The following BNC2 variants were observed in gnomAD, a reference collection of about 807,000 sequenced individuals.
BNC2 encodes basonuclin zinc finger protein 2.
BNC2 carries 20 observed loss-of-function variants against 76.3 expected under a neutral mutation model. That is an observed-to-expected ratio of 0.26 (90% confidence interval 0.18 to 0.38). The LOEUF (loss-of-function observed/expected upper bound fraction) is 0.38. BNC2 is among the 10% of genes least tolerant of loss of function. The pLI is 1.00. For missense variants in BNC2, 1,382 were observed against 1,399.8 expected (o/e 0.99, Z 0.20); for synonymous variants, 582 against 514.8 (o/e 1.13, Z -1.77).
At chr9:16,751,334 C>G (rs1420593075) in intron 1 of BNC2, among the ~76,000 whole-genome samples, 1 of 150,984 alleles carries the variant, frequency 6.6e-6, no homozygotes, top group South Asian at 2.1e-4. Flanking sequence ...AACTAAGGAG[C>G]TCATGCGTTC....
intron 1 of BNC2, among the ~76,000 whole-genome samples, chr9:16,860,460 T>C (rs957490479): frequency 6.6e-6 from 1 of 152,200 alleles, no homozygotes; most frequent in African/African-American, 2.4e-5. Flanking sequence ...CAACAAATAG[T>C]GCTGGGAACA....
At chr9:16,580,237 A>T (rs1436747240) in intron 4 of BNC2, 1 of 398,196 alleles carries the variant, frequency 2.5e-6, no homozygotes. Context: ...CTCCAAGGCT[A>T]GAGGCCAACC....
At chr9:16,776,382 T>G (rs1324914449) in intron 1 of BNC2, among the ~76,000 whole-genome samples, 1 of 152,098 alleles carries the variant, frequency 6.6e-6, no homozygotes, top group African/African-American at 2.4e-5. Context: ...TCAGGCAAGC[T>G]GCCCACCTCA....
chr9:16,749,453 T>C (rs937237644), intron 1 of BNC2, among the ~76,000 whole-genome samples: 12 of 152,148 alleles, frequency 7.9e-5, no homozygotes, highest in Non-Finnish European at 1.2e-4. Flanking sequence ...CCCAGCACCC[T>C]GGGAGACCAG....
At chr9:16,463,441 C>T (rs916727423) in intron 5 of BNC2, among the ~76,000 whole-genome samples, 4 of 146,028 alleles carry the variant, frequency 2.7e-5, no homozygotes, top group Admixed American at 1.3e-4. Flanking sequence ...GGACTACAGG[C>T]GCCCGCCACT....
In BNC2 at chr9:16,437,114, C is replaced by T. The variant is rs190971797; in HGVS notation, c.1080G>A (p.Gln360=). The part of the protein sequence containing the change: ...LRLREPSLST[Q]NEYNESSESE... Reference sequence around the variant, plus strand: ...ATTCGCTGCTCTCATTATATTCATTCTGAGTTGAAAGGCTGGGTTCCCGCA... The same window carrying T: ...ATTCGCTGCTCTCATTATATTCATTTTGAGTTGAAAGGCTGGGTTCCCGCA... The change falls in exon 6 of 7, where the codon CAG becomes CAA. Residue 360 remains glutamine (Q), a synonymous_variant. Coordinates refer to ENST00000380672, the MANE Select transcript of BNC2 (RefSeq NM_017637.6). The T allele has an allele frequency of 6.2e-7, 1 of 1,614,154 alleles. No individual in the cohort carries two copies. Among genetic ancestry groups the T allele is most frequent in the African/African-American group, 1.3e-5 (1 of 75,040 alleles).
intron 5 of BNC2, among the ~76,000 whole-genome samples, chr9:16,536,459 C>G (rs937423949): frequency 6.6e-6 from 1 of 152,124 alleles, no homozygotes; most frequent in Admixed American, 6.5e-5. Context: ...TTTATTCTAT[C>G]TAAATGTATT....
Position 16,712,615 on chromosome 9 carries a change from G to A in BNC2, c.330+15182C>T, listed in dbSNP as rs1219771618. Among the ~76,000 whole-genome samples the A allele has an allele frequency of 6.6e-5, 10 of 152,182 alleles. No individual in the cohort carries two copies. In the East Asian group the frequency reaches 7.7e-4, roughly 12 times the overall value. Reference sequence around the variant, plus strand: ...TTTCGTGGAAGCAAAACAACACAACGGACACACACACTGCACAGATTATCT... The same window carrying A: ...TTTCGTGGAAGCAAAACAACACAACAGACACACACACTGCACAGATTATCT... On this transcript the variant is annotated intron_variant, in intron 3 of 6. Transcript: ENST00000380672.
chr9:16,635,681 C>A (rs560073488), intron 3 of BNC2, among the ~76,000 whole-genome samples: 125 of 152,262 alleles, frequency 8.2e-4, no homozygotes, highest in African/African-American at 2.9e-3. Context: ...ATACAGATTT[C>A]TTGGCCAACT....
intron 1 of BNC2, among the ~76,000 whole-genome samples, chr9:16,788,799 C>G (rs570245915): frequency 6.6e-6 from 1 of 152,128 alleles, no homozygotes; most frequent in African/African-American, 2.4e-5. Flanking sequence ...GGTTGACTTG[C>G]AGGACAATCC....
intron 3 of BNC2, among the ~76,000 whole-genome samples, chr9:16,662,763 C>A (rs1822146995): frequency 6.6e-6 from 1 of 151,986 alleles, no homozygotes; most frequent in Non-Finnish European, 1.5e-5. Context: ...GAGAAAATAT[C>A]CTACCTAAAA....
intron 5 of BNC2, among the ~76,000 whole-genome samples, chr9:16,493,419 G>T (rs1483329107): frequency 6.6e-6 from 1 of 152,202 alleles, no homozygotes; most frequent in African/African-American, 2.4e-5. Flanking sequence ...GTATGTGTAA[G>T]AGGGAACAAA....
At chr9:16,777,563 T>C (rs867580601) in intron 1 of BNC2, among the ~76,000 whole-genome samples, 1 of 151,824 alleles carries the variant, frequency 6.6e-6, no homozygotes, top group African/African-American at 2.4e-5. Flanking sequence ...TAACCAGGCA[T>C]GGTGGCGGGT....
intron 3 of BNC2, among the ~76,000 whole-genome samples, chr9:16,718,885 G>A (rs987886107): frequency 6.6e-5 from 10 of 152,100 alleles, no homozygotes; most frequent in Non-Finnish European, 1.5e-4. Flanking sequence ...TACACTTTCT[G>A]CATGTCTACG....
chr9:16,696,707 A>G (rs188237699), intron 3 of BNC2, among the ~76,000 whole-genome samples: 1 of 152,240 alleles, frequency 6.6e-6, no homozygotes, highest in Non-Finnish European at 1.5e-5. Flanking sequence ...CTTAAAATTC[A>G]TAAGGGCACC....
intron 6 of BNC2, among the ~76,000 whole-genome samples, chr9:16,424,840 C>T (rs1254114315): frequency 6.6e-6 from 1 of 152,186 alleles, no homozygotes; most frequent in African/African-American, 2.4e-5. Flanking sequence ...TGGATTGCTA[C>T]AACACTATCT....
intron 1 of BNC2, among the ~76,000 whole-genome samples, chr9:16,821,987 G>T (rs566805422): frequency 6.6e-6 from 1 of 151,878 alleles, no homozygotes; most frequent in East Asian, 2.0e-4. Context: ...CAGCTACTCG[G>T]GAGGCTGAAG....
intron 5 of BNC2, among the ~76,000 whole-genome samples, chr9:16,529,692 T>G (rs1199242860): frequency 2.6e-5 from 4 of 152,136 alleles, no homozygotes; most frequent in Non-Finnish European, 1.5e-5. Flanking sequence ...AGTCATAATT[T>G]TTGAGTATGC....
Position 16,690,647 on chromosome 9 carries a change from T to C in BNC2, c.330+37150A>G, listed in dbSNP as rs560082093. Among the ~76,000 whole-genome samples the C allele has an allele frequency of 1.2e-3, 177 of 152,210 alleles. 1 individual carries two copies. Among genetic ancestry groups the C allele is most frequent in the Middle Eastern group, 3.4e-3 (1 of 294 alleles). On this transcript the variant is annotated intron_variant, in intron 3 of 6. Coordinates refer to ENST00000380672, the MANE Select transcript of BNC2 (RefSeq NM_017637.6). ...AGGCAGAGTTGTATCAATAGGAACA[T>C]GATAAGGATGGGAGATATTTTATAG... is the stretch of plus-strand genomic sequence containing the variant.
Sources: allele counts gnomAD v4.1 joint callset (sites outside exome capture counted in the v4.1 genomes callset), GRCh38; gene constraint gnomAD v4.1.1; transcripts MANE v1.5; gene names NCBI Gene and HGNC (gene_info 2026-07-23, HGNC 2026-07-21).